HEXA: variants seen among roughly 807,000 people sequenced by gnomAD.
HEXA encodes the protein beta-hexosaminidase subunit alpha.
A neutral mutation model predicts 73.3 loss-of-function variants in HEXA; 54 were observed. The ratio of observed to expected loss-of-function variants is 0.74; its 90% confidence interval spans 0.59 to 0.92. HEXA has a LOEUF of 0.92. Among genes scored for constraint, HEXA ranks in the 40% least tolerant of loss-of-function variants. HEXA has a pLI of 0.00. For missense variants in HEXA, 649 were observed against 653.0 expected, an observed-to-expected ratio of 0.99 and a Z score of 0.07; for synonymous variants, 230 against 246.9, an observed-to-expected ratio of 0.93 and a Z score of 0.64.
rs745555933 is a variant in HEXA, at chr15:72,348,082, C to T, written c.1039G>A (p.Asp347Asn). The T allele has an allele frequency of 6.2e-7, 1 of 1,613,856 alleles. No individual in the cohort carries two copies. Among genetic ancestry groups the T allele is most frequent in the Non-Finnish European group, 8.5e-7 (1 of 1,179,744 alleles). The change falls in exon 9 of 14, where the codon GAC (aspartate) becomes AAC (asparagine). Residue 347 changes from aspartate to asparagine, a missense_variant. Transcript: ENST00000268097. ...TAGAAGGACTCCAGCTGCTTGAAGT[C>T]CTCACCGAAGCCTTTCTTCCTCATA... ...DFMRKKGFGE[D>N]FKQLESFYIQ...
chr15:72,353,824 A>C, intron 3 of HEXA, 87 bp from the exon 4 acceptor site: 1 of 986,662 alleles, frequency 1.0e-6, no homozygotes, highest in Non-Finnish European at 1.6e-6. Flanking sequence ...GTAGCAGAGC[A>C]TAACATTTGG....
In HEXA at chr15:72,356,828, C is replaced by G. The variant is rs111268433; in HGVS notation, c.254-211G>C. The G allele has an allele frequency of 7.1e-4, 491 of 694,766 alleles. 1 individual carries two copies. In the African/African-American group the frequency reaches 8.0e-3, roughly 11 times the overall value. 43.0% of individuals were successfully genotyped at this position (694,766 alleles called of 1,614,324 possible). Reference sequence around the variant, plus strand: ...CTTCTCCTCAGTAGCTGCCCTGACCCATGTCTGAATGCTCTGGGTGACAGC... The same window carrying G: ...CTTCTCCTCAGTAGCTGCCCTGACCGATGTCTGAATGCTCTGGGTGACAGC... On this transcript the variant is annotated intron_variant, in intron 1 of 13. Transcript: ENST00000268097.
At position 72,346,218 on chromosome 15, in the gene HEXA, C is replaced by T. The variant is rs752975043; in HGVS notation, c.1421+17G>A. 7.5e-6 allele frequency: 12 copies of T among 1,597,338 alleles called. No homozygotes were observed. The Admixed American group carries it at 1.5e-4, about 20-fold the overall frequency. On this transcript the variant is annotated intron_variant, in intron 12 of 13. Coordinates refer to ENST00000268097, the MANE Select transcript of HEXA (RefSeq NM_000520.6). ...CTCTCAGGCCCAACCCTCCACCTCC[C>T]CCCCGAAAACCCTTACCAGAGCCTG...
chr15:72,366,990 C>G lies in HEXA; in HGVS notation c.253+8730G>C, dbSNP rs560781318. Among the ~76,000 whole-genome samples, 185 of 152,046 alleles carry G rather than the reference C, an allele frequency of 1.2e-3. 1 individual carries two copies. Among genetic ancestry groups the G allele is most frequent in the African/African-American group, 4.1e-3 (168 of 41,460 alleles). On this transcript the variant is annotated intron_variant, in intron 1 of 13. Transcript: ENST00000268097. ...TGGAGTTTCACTCCTGTTGCCCAGG[C>G]TGGAGTGCAGTGGCGCACTCTCGGC...
chr15:72,355,738 T>A, intron 2 of HEXA, 114 bp from the exon 3 acceptor site: 1 of 782,400 alleles, frequency 1.3e-6, no homozygotes, highest in Non-Finnish European at 2.2e-6. Context: ...TAAGACCATA[T>A]ATTTTAAAAA....
At chr15:72,346,901 G>A in intron 10 of HEXA, 191 bp from the exon 11 acceptor site, 2 of 636,784 alleles carry the variant, frequency 3.1e-6, no homozygotes, top group East Asian at 2.8e-5. Context: ...GGCCCTAAGA[G>A]GCCTCCCTGC....
chr15:72,367,155 C>A (rs2088928337), intron 1 of HEXA, among the ~76,000 whole-genome samples: 1 of 152,092 alleles, frequency 6.6e-6, no homozygotes, highest in Admixed American at 6.6e-5. Context: ...GTTGGTCAGA[C>A]TGGTCTCGAA....
Position 72,346,223 on chromosome 15 carries a change from GA to G in HEXA, c.1421+11del, listed in dbSNP as rs922064515. On this transcript the variant is annotated intron_variant, in intron 12 of 13. Coordinates refer to ENST00000268097, the MANE Select transcript of HEXA (RefSeq NM_000520.6). ...AGGCCCAACCCTCCACCTCCCCCCC[GA>G]AAACCCTTACCAGAGCCTGGGGACC... The G allele has an allele frequency of 1.2e-6, 2 of 1,607,800 alleles. No individual in the cohort carries two copies. The highest frequency in any genetic ancestry group is 1.7e-6 in the Non-Finnish European group (2 of 1,175,098).
chr15:72,375,978 G>C lies in HEXA; in HGVS notation c.-6C>G. On this transcript the variant is annotated 5_prime_UTR_variant, in exon 1 of 14. Transcript: ENST00000268097. ...CAAAGCCTGGAGCTTGTCATGGCCC[G>C]CTGGTCTCCCCTCTCGGAGGGGGCT... is the stretch of plus-strand genomic sequence containing the variant. The C allele has an allele frequency of 6.2e-7, 1 of 1,612,956 alleles. No homozygotes were observed. Among genetic ancestry groups the C allele is most frequent in the Non-Finnish European group, 8.5e-7 (1 of 1,179,996 alleles).
rs1174816439 is a variant in HEXA at position 72,346,238 on chromosome 15, A to G, written c.1418T>C (p.Leu473Pro). 1.9e-6 allele frequency: 3 copies of G among 1,612,782 alleles called. No homozygotes were observed. The highest frequency in any genetic ancestry group is 2.5e-6 in the Non-Finnish European group (3 of 1,179,058). Reference protein sequence around the residue: ...YVDNTNLVPRLWPRAGAVAER... With the variant: ...YVDNTNLVPRPWPRAGAVAER... Reference sequence around the variant, plus strand: ...CCTCCCCCCCGAAAACCCTTACCAGAGCCTGGGGACCAGGTTTGTGTTGTC... The same window carrying G: ...CCTCCCCCCCGAAAACCCTTACCAGGGCCTGGGGACCAGGTTTGTGTTGTC... Residue 473 changes from leucine to proline, a missense_variant, in exon 12 of 14, where the codon CTC (leucine) becomes CCC (proline). By Grantham distance (98) the Leu-to-Pro change is moderately conservative (BLOSUM62 -3). Transcript: ENST00000268097.
chr15:72,363,642 C>T (rs2088880777), intron 1 of HEXA, among the ~76,000 whole-genome samples: 1 of 152,118 alleles, frequency 6.6e-6, no homozygotes, highest in South Asian at 2.1e-4. Context: ...GATTCTTCAC[C>T]CTCCACAGAC....
intron 1 of HEXA, among the ~76,000 whole-genome samples, chr15:72,362,158 T>C (rs770147280): frequency 1.3e-5 from 2 of 152,218 alleles, no homozygotes; most frequent in Non-Finnish European, 2.9e-5. Context: ...CTCCATATTT[T>C]TCTTTGCACA....
At chr15:72,344,388 C>A (rs1240696630) in intron 13 of HEXA, among the ~76,000 whole-genome samples, 2 of 152,126 alleles carry the variant, frequency 1.3e-5, no homozygotes, top group Admixed American at 6.6e-5. Flanking sequence ...GATCCAGAAA[C>A]GTTGGCGACA....
rs1245160890 is a variant in HEXA, at chr15:72,349,204, A to G, written c.861T>C (p.Phe287=). 1 of 1,614,082 alleles carries G rather than the reference A, an allele frequency of 6.2e-7. No individual in the cohort carries two copies. Among genetic ancestry groups the G allele is most frequent in the South Asian group, 1.1e-5 (1 of 91,088 alleles). The change falls in exon 8 of 14, where the codon TTT becomes TTC. Residue 287 remains phenylalanine, a synonymous_variant. Coordinates refer to ENST00000268097, the MANE Select transcript of HEXA (RefSeq NM_000520.6). ...CYSGSEPSGT[F]GPVNPSLNNT... is the part of the protein sequence containing the mutation. ...TATTGAGACTGGGATTCACTGGTCC[A>G]AAGGTGCCAGAGGGCTCAGACCCAG... is the stretch of plus-strand genomic sequence containing the variant.
intron 1 of HEXA, chr15:72,362,286 A>C (rs1316842548): frequency 4.9e-6 from 1 of 204,142 alleles, no homozygotes; most frequent in Admixed American, 6.0e-5. Context: ...TTTCCTAAGA[A>C]ACCCTCCTAT....
chr15:72,373,880 T>C (rs1310000590), intron 1 of HEXA, among the ~76,000 whole-genome samples: 1 of 151,808 alleles, frequency 6.6e-6, no homozygotes, highest in Non-Finnish European at 1.5e-5. Flanking sequence ...GCACGTGTAG[T>C]CCCACCTACT....
intron 1 of HEXA, among the ~76,000 whole-genome samples, chr15:72,368,831 C>T (rs1239162621): frequency 2.6e-5 from 4 of 152,196 alleles, no homozygotes; most frequent in Admixed American, 6.5e-5. Flanking sequence ...ACAACAAAGC[C>T]ACTAATGTGG....
Position 72,368,120 on chromosome 15 carries a change from G to A in HEXA, c.253+7600C>T, listed in dbSNP as rs937777301. ...AATACTACCTGTACTAAGAATAGAT[G>A]GGAGGAAGGAAGAAATGCTACTGGA... On this transcript the variant is annotated intron_variant, in intron 1 of 13. Coordinates refer to ENST00000268097, the MANE Select transcript of HEXA (RefSeq NM_000520.6). Among the ~76,000 whole-genome samples, 6 of 152,160 alleles carry A rather than the reference G, an allele frequency of 3.9e-5. 1 individual carries two copies. The highest frequency in any genetic ancestry group is 3.9e-4 in the Admixed American group (6 of 15,284).
intron 13 of HEXA, 179 bp downstream of exon 13, chr15:72,345,264 TTTG>T (rs1297048908): frequency 8.4e-7 from 1 of 1,189,574 alleles, no homozygotes; most frequent in East Asian, 2.6e-5. Context: ...TGTACCATTT[TTTG>T]TTGTATTTTT....
Sources: allele counts gnomAD v4.1 joint callset (sites outside exome capture counted in the v4.1 genomes callset), GRCh38; gene constraint gnomAD v4.1.1; transcripts MANE v1.5; gene names NCBI Gene and HGNC (gene_info 2026-07-23, HGNC 2026-07-21).